DNAJC21: variants seen among roughly 807,000 people sequenced by gnomAD.
DNAJC21 encodes dnaJ homolog subfamily C member 21.
Under a neutral mutation model 72.4 loss-of-function variants are expected in DNAJC21, and 63 were observed. The ratio of observed to expected loss-of-function variants is 0.87; its 90% confidence interval spans 0.71 to 1.07. The LOEUF (loss-of-function observed/expected upper bound fraction) is 1.07, where lower values mean the gene tolerates loss of function less well. DNAJC21 is among the 50% of genes least tolerant of loss of function. The pLI is 0.00. For missense variants in DNAJC21, 634 were observed against 644.8 expected (o/e 0.98, Z 0.18); for synonymous variants, 203 against 216.7 (o/e 0.94, Z 0.56).
At chr5:34,931,921 C>T (rs1167010476) in intron 1 of DNAJC21, among the ~76,000 whole-genome samples, 2 of 152,148 alleles carry the variant, frequency 1.3e-5, no homozygotes, top group African/African-American at 2.4e-5. Context: ...CCTTTGAAAC[C>T]AAACCTGTTA....
intron 11 of DNAJC21, 106 bp from the exon 12 acceptor site, chr5:34,954,447 A>T (rs748214062): frequency 1.0e-5 from 14 of 1,363,018 alleles, no homozygotes; most frequent in Non-Finnish European, 1.4e-5. Context: ...CTGTTAAAAC[A>T]TCTTTATTTT....
rs1185856123 is a variant in DNAJC21 at position 34,936,240 on chromosome 5, G to A, written c.412G>A (p.Gly138Arg). 3 of 1,613,798 alleles carry A rather than the reference G, an allele frequency of 1.9e-6. No homozygotes were observed. Among genetic ancestry groups the A allele is most frequent in the Non-Finnish European group, 2.5e-6 (3 of 1,179,968 alleles). ...EEEVDDFPTF[G>R]DSQSDYDTVV... The stretch of plus-strand genomic sequence containing the variant: ...AGAGGTTGATGATTTCCCAACTTTT[G>A]GAGACTCCCAGAGTGACTATGATAC... The change falls in exon 4 of 12, where the codon GGA (glycine) becomes AGA (arginine). Residue 138 changes from glycine (G) to arginine (R), a missense_variant. Physicochemically the swap from Gly to Arg is moderately radical, Grantham distance 125. Transcript: ENST00000648817.
intron 7 of DNAJC21, among the ~76,000 whole-genome samples, chr5:34,943,612 A>C (rs191849967): frequency 6.6e-6 from 1 of 152,232 alleles, no homozygotes; most frequent in Non-Finnish European, 1.5e-5. Flanking sequence ...AACTATGCAG[A>C]TATCTTGCTT....
intron 6 of DNAJC21, 93 bp downstream of exon 6, chr5:34,939,102 G>A: frequency 1.7e-6 from 2 of 1,186,618 alleles, no homozygotes; most frequent in East Asian, 5.2e-5. Context: ...TTTTAAATGT[G>A]GCAAATAATT....
chr5:34,934,386 A>G (rs1189849016), intron 2 of DNAJC21, among the ~76,000 whole-genome samples: 1 of 150,208 alleles, frequency 6.7e-6, no homozygotes, highest in Non-Finnish European at 1.5e-5. Flanking sequence ...GTGCCACCAC[A>G]CACCTGTATT....
At chr5:34,951,217 T>G in intron 10 of DNAJC21, 1 of 985,470 alleles carries the variant, frequency 1.0e-6, no homozygotes, top group Non-Finnish European at 1.2e-6. Flanking sequence ...ATGTTGAAGC[T>G]TTGAAGAACT....
At chr5:34,952,118 A>G (rs1398719385) in intron 10 of DNAJC21, 4 of 968,548 alleles carry the variant, frequency 4.1e-6, no homozygotes, top group Non-Finnish European at 4.9e-6. Flanking sequence ...GTGTTTTTTT[A>G]AAAAATGTGT....
chr5:34,931,024 A>G (rs368003026), intron 1 of DNAJC21, among the ~76,000 whole-genome samples: 6 of 152,182 alleles, frequency 3.9e-5, no homozygotes, highest in East Asian at 1.9e-4. Context: ...GGAAAAGTGA[A>G]CTCAACAGTA....
Position 34,954,873 on chromosome 5 carries a change from A to C in DNAJC21, c.*159A>C. 1 of 869,206 alleles carries C rather than the reference A, an allele frequency of 1.2e-6. No homozygotes were observed. Among genetic ancestry groups the C allele is most frequent in the Non-Finnish European group, 1.6e-6 (1 of 615,664 alleles). The allele number at this position is 869,206 out of a possible 1,614,324, so 53.8% of individuals were successfully genotyped here. On this transcript the variant is annotated 3_prime_UTR_variant, in exon 12 of 12. Transcript: ENST00000648817. The stretch of plus-strand genomic sequence containing the variant: ...AAAACACTTTTTTGGTTTAATATAT[A>C]TTTTTAAAACATTTCACTAGTGATT...
rs1409850557 is a variant in DNAJC21, at chr5:34,956,112, C to T, written c.*1398C>T. On this transcript the variant is annotated 3_prime_UTR_variant, in exon 12 of 12. Transcript: ENST00000648817. ...TAAACTCACTGGCTTGAAATGTGTGCTTTCTGTACAATGAAGTTATTGCTT... is the reference window on the plus strand; with the variant it reads ...TAAACTCACTGGCTTGAAATGTGTGTTTTCTGTACAATGAAGTTATTGCTT... 6.7e-6 allele frequency: 1 copy of T among 149,378 alleles called. No individual in the cohort carries two copies. The highest frequency in any genetic ancestry group is 1.5e-5 in the Non-Finnish European group (1 of 67,316). The allele number at this position is 149,378 out of a possible 1,614,324, so 9.3% of individuals were successfully genotyped here. A position where few individuals can be genotyped will look rare whatever the true frequency, so the allele number is the denominator to read the frequency against.
At chr5:34,937,210 A>C in intron 4 of DNAJC21, 116 bp from the exon 5 acceptor site, 1 of 1,027,084 alleles carries the variant, frequency 9.7e-7, no homozygotes, top group Non-Finnish European at 1.4e-6. Context: ...AGATTATTAG[A>C]AGTGTTATAT....
Position 34,954,619 on chromosome 5 carries a change from C to G in DNAJC21, c.1501C>G (p.Leu501Val). Residue 501 changes from leucine (L) to valine (V), a missense_variant, in exon 12 of 12, where the codon CTA becomes GTA. By Grantham distance (32) the Leu-to-Val change is conservative (BLOSUM62 1). Coordinates refer to ENST00000648817, the MANE Select transcript of DNAJC21 (RefSeq NM_001012339.3). ...FPSRNKLFDHLKATGHARAPS... is the reference protein window; with the variant it reads ...FPSRNKLFDHVKATGHARAPS... ...ATCTCGGAATAAACTTTTTGACCAT[C>G]TAAAGGCCACAGGTCATGCAAGAGC... The G allele has an allele frequency of 6.2e-7, 1 of 1,613,598 alleles. No individual in the cohort carries two copies. The highest frequency in any genetic ancestry group is 2.2e-5 in the East Asian group (1 of 44,826).
In DNAJC21 at chr5:34,950,682, G is replaced by T. The variant is rs369311229; in HGVS notation, c.1358+340G>T. The T allele has an allele frequency of 5.5e-5, 55 of 999,318 alleles. No homozygotes were observed. The East Asian group carries it at 4.0e-3, about 72-fold the overall frequency. 61.9% of individuals were successfully genotyped at this position (999,318 alleles called of 1,614,324 possible). A position where few individuals can be genotyped will look rare whatever the true frequency, so the allele number is the denominator to read the frequency against. ...CACATGAGAACAAGACTCCTGCTGC[G>T]TCCCTGGAGTGTCACTAAGCAAATC... On this transcript the variant is annotated intron_variant, in intron 10 of 11. Coordinates refer to ENST00000648817, the MANE Select transcript of DNAJC21 (RefSeq NM_001012339.3).
chr5:34,950,479 A>G (rs1765326161), intron 10 of DNAJC21, 137 bp downstream of exon 10: 2 of 1,413,920 alleles, frequency 1.4e-6, no homozygotes, highest in East Asian at 2.6e-5. Context: ...TTATGTATAG[A>G]TACACACACA....
rs1764881875 is a variant in DNAJC21 at position 34,938,811 on chromosome 5, A to G, written c.744-47A>G. Reference sequence around the variant, plus strand: ...TAAACCTAAGTAGTAAGTGAAAACCATGCAGAGGCGTGCTTGTCGCTGTGA... The same window carrying G: ...TAAACCTAAGTAGTAAGTGAAAACCGTGCAGAGGCGTGCTTGTCGCTGTGA... On this transcript the variant is annotated intron_variant, in intron 5 of 11. Coordinates refer to ENST00000648817, the MANE Select transcript of DNAJC21 (RefSeq NM_001012339.3). 3.9e-6 allele frequency: 6 copies of G among 1,528,496 alleles called. 1 individual carries two copies. In the African/African-American group the frequency reaches 4.2e-5, roughly 11 times the overall value. The allele number at this position is 1,528,496 out of a possible 1,614,324, so 94.7% of individuals were successfully genotyped here.
intron 10 of DNAJC21, chr5:34,953,552 C>T (rs993763856): frequency 2.6e-5 from 4 of 154,714 alleles, no homozygotes; most frequent in Non-Finnish European, 2.9e-5. Flanking sequence ...TGTGAGCCAC[C>T]GTGCCTGGCA....
chr5:34,951,867 G>T (rs1287130018), intron 10 of DNAJC21: 1 of 985,404 alleles, frequency 1.0e-6, no homozygotes, highest in Non-Finnish European at 1.2e-6. Flanking sequence ...GAGGAAGAAG[G>T]GTTCTCAGGC....
intron 7 of DNAJC21, among the ~76,000 whole-genome samples, chr5:34,942,318 C>A (rs895105196): frequency 6.6e-6 from 1 of 151,724 alleles, no homozygotes; most frequent in Non-Finnish European, 1.5e-5. Context: ...AAAACGGATA[C>A]CATTATTATA....
chr5:34,951,461 A>G, intron 10 of DNAJC21: 1 of 985,092 alleles, frequency 1.0e-6, no homozygotes, highest in Non-Finnish European at 1.2e-6. Flanking sequence ...AGAGTGGGCC[A>G]GGAGGTGGGG....
Sources: gnomAD v4.1 joint callset for allele counts (sites outside exome capture counted in the v4.1 genomes callset) on GRCh38, gnomAD v4.1.1 for gene constraint, MANE v1.5 for transcripts, NCBI Gene and HGNC (gene_info 2026-07-23, HGNC 2026-07-21) for gene names.